ITGAV: variants seen among roughly 807,000 people sequenced by gnomAD.
ITGAV encodes the protein integrin subunit alpha V, also known as integrin alpha-V.
A neutral mutation model predicts 143.8 loss-of-function variants in ITGAV; 76 were observed. The ratio of observed to expected loss-of-function variants is 0.53; its 90% CI spans 0.44 to 0.64. The LOEUF is 0.64. Ranked by LOEUF, ITGAV falls within the 30% of genes least tolerant of loss-of-function variation. ITGAV has a pLI of 0.00. For missense variants in ITGAV, 1,193 were observed against 1,274.7 expected (o/e 0.94, Z 0.98); for synonymous variants, 453 against 446.7 (o/e 1.01, Z -0.18).
At chr2:186,598,095 C>T (rs931270377) in intron 1 of ITGAV, among the ~76,000 whole-genome samples, 1 of 152,050 alleles carries the variant, frequency 6.6e-6, no homozygotes, top group Non-Finnish European at 1.5e-5. Context: ...ATTAGGACTA[C>T]TGTGGCAATG....
chr2:186,638,546 G>T (rs574313144), intron 10 of ITGAV, 81 bp downstream of exon 10: 2 of 1,007,542 alleles, frequency 2.0e-6, no homozygotes, highest in Non-Finnish European at 1.5e-6. Context: ...AAATAAAACT[G>T]TAAAAATGAA....
intron 4 of ITGAV, among the ~76,000 whole-genome samples, chr2:186,629,350 TA>T (rs1223011994): frequency 6.6e-6 from 1 of 151,912 alleles, no homozygotes; most frequent in Non-Finnish European, 1.5e-5. Flanking sequence ...TACAGTATGA[TA>T]ATCAAAAAAA....
At chr2:186,632,521 A>G (rs1449925486) in intron 5 of ITGAV, among the ~76,000 whole-genome samples, 1 of 152,174 alleles carries the variant, frequency 6.6e-6, no homozygotes, top group East Asian at 1.9e-4. Flanking sequence ...CAGCAAGAAG[A>G]GATTTCTAAA....
intron 2 of ITGAV, among the ~76,000 whole-genome samples, chr2:186,614,656 G>A (rs1687303142): frequency 6.6e-6 from 1 of 150,468 alleles, no homozygotes; most frequent in Non-Finnish European, 1.5e-5. Flanking sequence ...GCTCTTTCTG[G>A]GTTTTTAAAT....
intron 4 of ITGAV, among the ~76,000 whole-genome samples, chr2:186,629,982 A>G (rs1687772869): frequency 6.6e-6 from 1 of 152,140 alleles, no homozygotes; most frequent in Non-Finnish European, 1.5e-5. Flanking sequence ...TAAAAAGGGA[A>G]CAACTACAAA....
At chr2:186,630,397 T>C (rs1044997755) in intron 4 of ITGAV, among the ~76,000 whole-genome samples, 1 of 151,648 alleles carries the variant, frequency 6.6e-6, no homozygotes, top group Non-Finnish European at 1.5e-5. Flanking sequence ...ATAGAAAATG[T>C]CAGAGAGTAT....
In ITGAV at chr2:186,664,576, G is replaced by C; in HGVS notation, c.2008G>C (p.Glu670Gln). 6.2e-7 allele frequency: 1 copy of C among 1,614,074 alleles called. No individual in the cohort carries two copies. The highest frequency in any genetic ancestry group is 8.5e-7 in the Non-Finnish European group (1 of 1,179,972). Residue 670 changes from glutamate to glutamine, a missense_variant, in exon 20 of 30, where the codon GAA becomes CAA. By Grantham distance (29) the Glu-to-Gln change is conservative. Coordinates refer to ENST00000261023, the MANE Select transcript of ITGAV (RefSeq NM_002210.5). ...TCAGAATCAAGGAGAAGGTGCCTAC[G>C]AAGCTGAGCTCATCGTTTCCATTCC... ...KAQNQGEGAY[E>Q]AELIVSIPLQ...
At chr2:186,661,598 G>GT (rs66835696) in intron 18 of ITGAV, among the ~76,000 whole-genome samples, 2 of 129,934 alleles carry the variant, frequency 1.5e-5, no homozygotes, top group African/African-American at 3.0e-5. Flanking sequence ...TTTTGTTTTT[G>GT]TTTTTTTTTT....
intron 17 of ITGAV, among the ~76,000 whole-genome samples, chr2:186,657,009 C>T (rs1559062770): frequency 7.0e-6 from 1 of 142,602 alleles, no homozygotes; most frequent in Non-Finnish European, 1.5e-5. Context: ...CACACACACA[C>T]ACACACACAC....
At chr2:186,652,189 A>G in intron 15 of ITGAV, 100 bp downstream of exon 15, 1 of 728,996 alleles carries the variant, frequency 1.4e-6, no homozygotes, top group Non-Finnish European at 2.4e-6. Flanking sequence ...TATTGCTAAA[A>G]CAGTTTCTGT....
intron 3 of ITGAV, 98 bp from the exon 4 acceptor site, chr2:186,625,375 A>C: frequency 1.4e-6 from 1 of 721,272 alleles, no homozygotes; most frequent in South Asian, 1.8e-5. Flanking sequence ...CCATCTCAAA[A>C]AAGAGAAAGT....
At chr2:186,668,733 T>G in intron 24 of ITGAV, 29 bp from the exon 25 acceptor site, 1 of 1,607,640 alleles carries the variant, frequency 6.2e-7, no homozygotes, top group South Asian at 1.1e-5. Context: ...TTGCCCAAGG[T>G]GTAGATACAT....
Position 186,633,384 on chromosome 2 carries a change from T to A in ITGAV, c.631+10T>A. ...AGCTTTTATTGGCAAGGTAGGTTAATATTTTTTAAATTACAATTGGTGACT... is the reference window on the plus strand; with the variant it reads ...AGCTTTTATTGGCAAGGTAGGTTAAAATTTTTTAAATTACAATTGGTGACT... On this transcript the variant is annotated intron_variant, in intron 6 of 29. Coordinates refer to ENST00000261023, the MANE Select transcript of ITGAV (RefSeq NM_002210.5). The A allele has an allele frequency of 6.5e-7, 1 of 1,539,842 alleles. No homozygotes were observed. The highest frequency in any genetic ancestry group is 8.9e-7 in the Non-Finnish European group (1 of 1,120,786).
intron 4 of ITGAV, 93 bp from the exon 5 acceptor site, chr2:186,630,704 A>G: frequency 1.4e-6 from 1 of 708,566 alleles, no homozygotes; most frequent in Non-Finnish European, 2.5e-6. Context: ...TTGGTACATT[A>G]TCTTATGATT....
intron 24 of ITGAV, among the ~76,000 whole-genome samples, chr2:186,668,175 T>A (rs2105746281): frequency 1.7e-5 from 1 of 59,066 alleles, no homozygotes. Context: ...CTTTTGTTTA[T>A]ACATACATAC....
intron 6 of ITGAV, 24 bp from the exon 7 acceptor site, chr2:186,636,053 ATTTAT>A: frequency 6.3e-7 from 1 of 1,590,632 alleles, no homozygotes; most frequent in South Asian, 1.1e-5. Context: ...TTTGAAGGTT[ATTTAT>A]TTTATATATA....
Position 186,679,972 on chromosome 2 carries a change from G to C in ITGAV, c.*2680G>C, listed in dbSNP as rs902811363. 1 of 152,086 alleles carries C rather than the reference G, an allele frequency of 6.6e-6. No homozygotes were observed. The highest frequency in any genetic ancestry group is 2.4e-5 in the African/African-American group (1 of 41,440). 9.4% of individuals were successfully genotyped at this position (152,086 alleles called of 1,614,324 possible). The stretch of plus-strand genomic sequence containing the variant: ...GAGACTTTACTGGCTTAAGAGGGCT[G>C]TGAAAGATTTTTGATAGTGAATCAT... On this transcript the variant is annotated 3_prime_UTR_variant, in exon 30 of 30. Coordinates refer to ENST00000261023, the MANE Select transcript of ITGAV (RefSeq NM_002210.5).
intron 13 of ITGAV, among the ~76,000 whole-genome samples, chr2:186,647,836 T>A (rs1424507100): frequency 2.0e-5 from 3 of 152,204 alleles, no homozygotes; most frequent in African/African-American, 7.2e-5. Flanking sequence ...ACACTTAATA[T>A]GAGCTCAATA....
At chr2:186,665,841 G>A (rs1331080622) in intron 21 of ITGAV, among the ~76,000 whole-genome samples, 1 of 152,152 alleles carries the variant, frequency 6.6e-6, no homozygotes, top group Admixed American at 6.5e-5. Flanking sequence ...AAGATCTGTG[G>A]TAATACAGGT....
Sources: allele counts gnomAD v4.1 joint callset (sites outside exome capture counted in the v4.1 genomes callset), GRCh38; gene constraint gnomAD v4.1.1; transcripts MANE v1.5; gene names NCBI Gene and HGNC (gene_info 2026-07-23, HGNC 2026-07-21).